RBM19: variants seen among roughly 807,000 people sequenced by gnomAD.
RBM19 encodes the protein RNA binding motif protein 19.
RBM19 carries 94 observed loss-of-function variants against 116.8 expected under a neutral mutation model. The ratio of observed to expected loss-of-function variants is 0.80; its 90% CI spans 0.68 to 0.95. The LOEUF (loss-of-function observed/expected upper bound fraction) is 0.95, where lower values mean the gene tolerates loss of function less well. Ranked by LOEUF, RBM19 falls within the 40% of genes least tolerant of loss-of-function variation. The pLI, the probability that RBM19 is intolerant of heterozygous loss-of-function variation, is 0.00. For missense variants in RBM19, 1,161 were observed against 1,220.7 expected (o/e 0.95, Z 0.73); for synonymous variants, 475 against 494.1 (o/e 0.96, Z 0.51).
Position 113,942,312 on chromosome 12 carries a change from G to T in RBM19, c.1737+12C>A. The T allele has an allele frequency of 6.3e-7, 1 of 1,598,356 alleles. No individual in the cohort carries two copies. On this transcript the variant is annotated intron_variant, in intron 14 of 23. Coordinates refer to ENST00000261741, the MANE Select transcript of RBM19 (RefSeq NM_016196.4). ...TGGCTGCTGGCTGGCTGGCGCCACCGAGAACACCCACCTGGCTGAAGGAAT... is the reference window on the plus strand; with the variant it reads ...TGGCTGCTGGCTGGCTGGCGCCACCTAGAACACCCACCTGGCTGAAGGAAT...
chr12:113,862,712 T>C (rs928626798), intron 21 of RBM19, among the ~76,000 whole-genome samples: 3 of 152,178 alleles, frequency 2.0e-5, no homozygotes, highest in Admixed American at 1.3e-4. Context: ...AACTCCTCCC[T>C]GAGCCCAACT....
At chr12:113,831,798 C>T (rs1163708860) in intron 23 of RBM19, among the ~76,000 whole-genome samples, 3 of 152,228 alleles carry the variant, frequency 2.0e-5, no homozygotes, top group Non-Finnish European at 4.4e-5. Flanking sequence ...GGAATTATTT[C>T]CAAAACACCG....
chr12:113,823,698 G>A (rs1314617322), intron 23 of RBM19, among the ~76,000 whole-genome samples: 2 of 152,120 alleles, frequency 1.3e-5, no homozygotes, highest in Non-Finnish European at 2.9e-5. Context: ...TACCCGCAGG[G>A]GAAAGGATTC....
intron 6 of RBM19, among the ~76,000 whole-genome samples, chr12:113,956,306 T>TGTATTACTCATTTGAAAATACAG (rs1871935166): frequency 6.6e-6 from 1 of 151,998 alleles, no homozygotes; most frequent in East Asian, 1.9e-4. Context: ...TGGGGCCAGG[T>TGTATTACTCATTTGAAAATACAG]GCAGTGGCTC....
At chr12:113,879,388 AT>A (rs1382273454) in intron 21 of RBM19, among the ~76,000 whole-genome samples, 1 of 149,332 alleles carries the variant, frequency 6.7e-6, no homozygotes, top group Admixed American at 6.8e-5. Flanking sequence ...GACATTTAGC[AT>A]TTTTCCATAC....
intron 23 of RBM19, among the ~76,000 whole-genome samples, chr12:113,837,932 TCCTACA>T (rs1348779548): frequency 6.6e-6 from 1 of 152,186 alleles, no homozygotes; most frequent in Non-Finnish European, 1.5e-5. Context: ...AGAGCTAAAC[TCCTACA>T]CACTAATGTA....
intron 19 of RBM19, among the ~76,000 whole-genome samples, chr12:113,918,957 T>C (rs892733394): frequency 9.2e-5 from 14 of 152,110 alleles, no homozygotes; most frequent in Admixed American, 7.9e-4. Flanking sequence ...GTAGGAACAA[T>C]TCTTGGAGGC....
At chr12:113,920,109 T>C (rs1868398452) in intron 19 of RBM19, among the ~76,000 whole-genome samples, 1 of 152,182 alleles carries the variant, frequency 6.6e-6, no homozygotes, top group African/African-American at 2.4e-5. Context: ...CCTCTGCACA[T>C]GGTCCCTCCT....
chr12:113,921,432 G>A lies in RBM19; in HGVS notation c.2306-742C>T, dbSNP rs61223674. On this transcript the variant is annotated intron_variant, in intron 18 of 23. Coordinates refer to ENST00000261741, the MANE Select transcript of RBM19 (RefSeq NM_016196.4). The stretch of plus-strand genomic sequence containing the variant: ...CCAGCATCTCATACATATTTGTTAG[G>A]TTTCTTCTTTATTGTGAATTCAAAG... 5.6e-3 allele frequency among the ~76,000 whole-genome samples: 853 copies of A among 152,148 alleles called. 9 individuals carry two copies. Among genetic ancestry groups the A allele is most frequent in the African/African-American group, 0.019 (805 of 41,488 alleles).
chr12:113,885,715 A>G (rs946823883), intron 21 of RBM19, among the ~76,000 whole-genome samples: 1 of 152,234 alleles, frequency 6.6e-6, no homozygotes, highest in African/African-American at 2.4e-5. Flanking sequence ...GGGAATATAG[A>G]GAGAATGATA....
At chr12:113,823,425 C>T in intron 23 of RBM19, 104 bp from the exon 24 acceptor site, 2 of 967,258 alleles carry the variant, frequency 2.1e-6, no homozygotes, top group South Asian at 1.4e-5. Context: ...GAGAGATGAG[C>T]AGAACAAGGG....
chr12:113,933,136 C>T (rs897872805), intron 16 of RBM19, among the ~76,000 whole-genome samples: 7 of 151,278 alleles, frequency 4.6e-5, no homozygotes, highest in African/African-American at 1.7e-4. Flanking sequence ...CCCCCTCCCT[C>T]GAGACTGGTA....
intron 7 of RBM19, among the ~76,000 whole-genome samples, chr12:113,953,483 T>G (rs1345009925): frequency 6.6e-6 from 1 of 152,202 alleles, no homozygotes; most frequent in Non-Finnish European, 1.5e-5. Flanking sequence ...AGCGAAACTC[T>G]GTCTCAAAAC....
chr12:113,863,843 G>C (rs992560966), intron 21 of RBM19, among the ~76,000 whole-genome samples: 2 of 152,112 alleles, frequency 1.3e-5, no homozygotes. Context: ...CAATCTCTTG[G>C]CATTAAAAAG....
chr12:113,905,040 A>C (rs542299737), intron 21 of RBM19, among the ~76,000 whole-genome samples: 1 of 152,290 alleles, frequency 6.6e-6, no homozygotes, highest in East Asian at 1.9e-4. Flanking sequence ...AGGTGAAGCA[A>C]AAACCCCCTC....
At chr12:113,920,052 T>G (rs1868392172) in intron 19 of RBM19, among the ~76,000 whole-genome samples, 1 of 152,148 alleles carries the variant, frequency 6.6e-6, no homozygotes, top group South Asian at 2.1e-4. Flanking sequence ...CTCTTAGCTT[T>G]TCAAACGTAC....
In RBM19 at chr12:113,955,059, A is replaced by C. The variant is rs542627992; in HGVS notation, c.921+72T>G. The C allele has an allele frequency of 7.9e-5, 117 of 1,490,378 alleles. 4 individuals are homozygous for C. The South Asian group carries it at 8.7e-4, about 11-fold the overall frequency. 92.3% of individuals were successfully genotyped at this position (1,490,378 alleles called of 1,614,324 possible). On this transcript the variant is annotated intron_variant, in intron 7 of 23. Coordinates refer to ENST00000261741, the MANE Select transcript of RBM19 (RefSeq NM_016196.4). Reference sequence around the variant, plus strand: ...CGACTCTAATGCCCCCATGCACCAAAGGCTCCTGGCCTCCCCACCCTCGTC... The same window carrying C: ...CGACTCTAATGCCCCCATGCACCAACGGCTCCTGGCCTCCCCACCCTCGTC...
In RBM19 at chr12:113,955,808, T is replaced by C. The variant is rs148724748; in HGVS notation, c.841-597A>G. The stretch of plus-strand genomic sequence containing the variant: ...GCTGATTCACGCAGCGCAAGCAGTC[T>C]TGTCCATGCGTTGCAGAAATGTGAC... On this transcript the variant is annotated intron_variant, in intron 6 of 23. Transcript: ENST00000261741. Among the ~76,000 whole-genome samples, 256 of 152,344 alleles carry C rather than the reference T, an allele frequency of 1.7e-3. 2 individuals are homozygous for C. The highest frequency in any genetic ancestry group is 2.8e-3 in the Non-Finnish European group (193 of 68,040).
At chr12:113,927,598 A>C (rs541086104) in intron 16 of RBM19, among the ~76,000 whole-genome samples, 16 of 92,082 alleles carry the variant, frequency 1.7e-4, no homozygotes, top group East Asian at 8.6e-4. Flanking sequence ...AAACAAAAAA[A>C]AAAAAACAAA....
Sources: gnomAD v4.1 joint callset for allele counts (sites outside exome capture counted in the v4.1 genomes callset) on GRCh38, gnomAD v4.1.1 for gene constraint, MANE v1.5 for transcripts, NCBI Gene and HGNC (gene_info 2026-07-23, HGNC 2026-07-21) for gene names.